The following MAST2 variants were observed in gnomAD, a reference collection of about 807,000 sequenced individuals.
MAST2 encodes the protein microtubule-associated serine/threonine-protein kinase 2.
Under a neutral mutation model 147.4 loss-of-function variants are expected in MAST2, and 70 were observed. The ratio of observed to expected loss-of-function variants is 0.47; its 90% CI spans 0.39 to 0.58. The LOEUF (loss-of-function observed/expected upper bound fraction) is 0.58. Among genes scored for constraint, MAST2 ranks in the 20% least tolerant of loss-of-function variants. MAST2 has a pLI of 0.00. For missense variants in MAST2, 2,080 were observed against 2,302.3 expected, an observed-to-expected ratio of 0.90 and a Z score of 1.98; for synonymous variants, 869 against 896.8, an observed-to-expected ratio of 0.97 and a Z score of 0.55.
rs184083905 is a variant in MAST2 at position 45,881,897 on chromosome 1, C to G, written c.469-467C>G. On this transcript the variant is annotated intron_variant, in intron 3 of 28. Coordinates refer to ENST00000361297, the MANE Select transcript of MAST2 (RefSeq NM_015112.3). The stretch of plus-strand genomic sequence containing the variant: ...ATTTCACAAAAATTTAAGAGACAGG[C>G]TGGGCATGGTGGCTCACACCTGTAA... 5.1e-4 allele frequency among the ~76,000 whole-genome samples: 76 copies of G among 150,468 alleles called. No individual in the cohort carries two copies. In the Middle Eastern group the frequency reaches 0.021, roughly 42 times the overall value.
At chr1:45,838,960 A>G (rs1232082984) in intron 3 of MAST2, among the ~76,000 whole-genome samples, 1 of 152,060 alleles carries the variant, frequency 6.6e-6, no homozygotes, top group Non-Finnish European at 1.5e-5. Flanking sequence ...TGTGTATTGG[A>G]AGACTCATAT....
chr1:45,905,447 A>G (rs1049413729), intron 4 of MAST2, among the ~76,000 whole-genome samples: 4 of 152,038 alleles, frequency 2.6e-5, no homozygotes, highest in African/African-American at 9.7e-5. Flanking sequence ...TTGGCCTCCC[A>G]AAGTGCTGGG....
chr1:46,034,156 G>A lies in MAST2; in HGVS notation c.3758G>A (p.Arg1253His), dbSNP rs751093370. The change falls in exon 28 of 29, where the codon CGC becomes CAC. Residue 1253 changes from arginine to histidine, a missense_variant. Arg to His is a conservative substitution (Grantham distance 29). This residue lies in a region of MAST2 where 1,278 missense variants were observed against 1,304.2 expected (regional missense o/e 0.98). Coordinates refer to ENST00000361297, the MANE Select transcript of MAST2 (RefSeq NM_015112.3). ...AGCCGCAGCCTTTCTTCCCTTAACCGCTCCTTGTCATCAGGGGAGAGTGGG... is the reference window on the plus strand; with the variant it reads ...AGCCGCAGCCTTTCTTCCCTTAACCACTCCTTGTCATCAGGGGAGAGTGGG... ...HTSRSLSSLN[R>H]SLSSGESGPG... 1.9e-5 allele frequency: 31 copies of A among 1,613,952 alleles called. No homozygotes were observed. Among genetic ancestry groups the A allele is most frequent in the Admixed American group, 1.2e-4 (7 of 59,988 alleles).
chr1:45,915,377 A>G (rs1467141759), intron 4 of MAST2, among the ~76,000 whole-genome samples: 3 of 152,204 alleles, frequency 2.0e-5, no homozygotes, highest in Non-Finnish European at 2.9e-5. Flanking sequence ...GACCCATTGT[A>G]TAACCAGTTT....
chr1:45,906,634 TTA>T lies in MAST2; in HGVS notation c.500+24243_500+24244del, dbSNP rs918582701. Among the ~76,000 whole-genome samples the T allele has an allele frequency of 2.4e-3, 351 of 148,376 alleles. 2 individuals are homozygous for T. Among genetic ancestry groups the T allele is most frequent in the African/African-American group, 8.2e-3 (336 of 40,922 alleles). ...TTATATAATTATATTATATGTTATTTTATATGATACAATTATATAATATATAA... is the reference window on the plus strand; with the variant it reads ...TTATATAATTATATTATATGTTATTTTATGATACAATTATATAATATATAA... On this transcript the variant is annotated intron_variant, in intron 4 of 28. Coordinates refer to ENST00000361297, the MANE Select transcript of MAST2 (RefSeq NM_015112.3).
intron 7 of MAST2, 143 bp downstream of exon 7, chr1:46,003,026 C>G (rs1645337502): frequency 6.1e-6 from 5 of 823,172 alleles, no homozygotes; most frequent in South Asian, 1.6e-5. Flanking sequence ...TTGGGTGCAA[C>G]AGAGGGCTGG....
At position 46,036,054 on chromosome 1, in the gene MAST2, A is replaced by T. The variant is rs771031710; in HGVS notation, c.5385A>T (p.Leu1795Phe). The change falls in exon 29 of 29, where the codon TTA becomes TTT. Residue 1795 changes from leucine (L) to phenylalanine (F), a missense_variant. Physicochemically the swap from Leu to Phe is conservative, Grantham distance 22. This residue lies in a region of MAST2 where 1,278 missense variants were observed against 1,304.2 expected (regional missense o/e 0.98). Coordinates refer to ENST00000361297, the MANE Select transcript of MAST2 (RefSeq NM_015112.3). ...RDLALVPDEL[L>F]KQT ...TGGCATTGGTTCCAGATGAGCTTTT[A>T]AAGCAAACATAGCAGTTGTTTGCCA... The T allele has an allele frequency of 1.0e-5, 16 of 1,607,044 alleles. No homozygotes were observed. Among genetic ancestry groups the T allele is most frequent in the Middle Eastern group, 1.7e-4 (1 of 6,014 alleles).
chr1:46,000,003 C>G (rs1359097239), intron 6 of MAST2, among the ~76,000 whole-genome samples: 1 of 152,040 alleles, frequency 6.6e-6, no homozygotes, highest in East Asian at 1.9e-4. Flanking sequence ...AGGGAAAGAG[C>G]ATGATGCTGC....
chr1:45,996,592 C>A (rs1196449918), intron 5 of MAST2, among the ~76,000 whole-genome samples: 3 of 151,978 alleles, frequency 2.0e-5, no homozygotes, highest in Admixed American at 2.0e-4. Context: ...ATTTTATGCA[C>A]CTGGGGGTGA....
At position 46,032,393 on chromosome 1, in the gene MAST2, C is replaced by T. The variant is rs747736010; in HGVS notation, c.3403C>T (p.His1135Tyr). 4 of 1,613,884 alleles carry T rather than the reference C, an allele frequency of 2.5e-6. No homozygotes were observed. The Admixed American group carries it at 6.7e-5, about 27-fold the overall frequency. ...MGDSDVYTVH[H>Y]MVWHVEDGGP... is the part of the protein sequence containing the mutation. ...TGACTCCGATGTCTACACCGTGCAC[C>T]ATATGGTGTGGGTATGTCTGACCAT... The change falls in exon 25 of 29, where the codon CAT (histidine) becomes TAT (tyrosine). Residue 1135 changes from histidine (H) to tyrosine (Y), a missense_variant. His to Tyr is a moderately conservative substitution (Grantham distance 83). This residue lies in a region of MAST2 where 1,278 missense variants were observed against 1,304.2 expected (regional missense o/e 0.98). Coordinates refer to ENST00000361297, the MANE Select transcript of MAST2 (RefSeq NM_015112.3).
chr1:45,843,877 G>GTC (rs1645349680), intron 3 of MAST2, among the ~76,000 whole-genome samples: 1 of 152,158 alleles, frequency 6.6e-6, no homozygotes, highest in Admixed American at 6.5e-5. Context: ...TATATTGGCA[G>GTC]TCTTAGCTTA....
At chr1:45,977,689 A>G (rs973477203) in intron 5 of MAST2, among the ~76,000 whole-genome samples, 12 of 151,512 alleles carry the variant, frequency 7.9e-5, no homozygotes, top group African/African-American at 2.9e-4. Flanking sequence ...AATCCCAGCT[A>G]CTCGGGAGGC....
Position 46,034,248 on chromosome 1 carries a change from C to T in MAST2, c.3850C>T (p.Pro1284Ser), listed in dbSNP as rs773965598. Residue 1284 changes from proline (P) to serine (S), a missense_variant, in exon 28 of 29, where the codon CCC (proline) becomes TCC (serine). Around this residue, in one of 4 missense-constraint regions of MAST2, gnomAD observed 1,278 missense variants for 1,304.2 expected, o/e 0.98. Transcript: ENST00000361297. ...RSPTQGYRVTPDAVHSVGGNS... is the reference protein window; with the variant it reads ...RSPTQGYRVTSDAVHSVGGNS... ...TCCCACTCAAGGCTACCGGGTGACCCCCGATGCTGTGCATTCAGGTACGAA... is the reference window on the plus strand; with the variant it reads ...TCCCACTCAAGGCTACCGGGTGACCTCCGATGCTGTGCATTCAGGTACGAA... The T allele has an allele frequency of 6.2e-7, 1 of 1,613,310 alleles. No individual in the cohort carries two copies.
At chr1:45,982,112 G>A (rs759429248) in intron 5 of MAST2, among the ~76,000 whole-genome samples, 11 of 152,134 alleles carry the variant, frequency 7.2e-5, no homozygotes, top group Non-Finnish European at 1.6e-4. Context: ...GCCTCCCAAA[G>A]TGCTGGGATT....
intron 3 of MAST2, among the ~76,000 whole-genome samples, chr1:45,847,908 A>G (rs1034744310): frequency 3.3e-5 from 5 of 152,320 alleles, no homozygotes; most frequent in African/African-American, 1.2e-4. Context: ...TACAGTGCTG[A>G]GCAAAGATTG....
At chr1:45,953,240 CTT>C (rs1659192736) in intron 4 of MAST2, among the ~76,000 whole-genome samples, 1 of 144,402 alleles carries the variant, frequency 6.9e-6, no homozygotes, top group Non-Finnish European at 1.5e-5. Flanking sequence ...AAAAAAAAAA[CTT>C]GATTAATTCA....
intron 4 of MAST2, among the ~76,000 whole-genome samples, chr1:45,885,194 G>A (rs1396608779): frequency 3.3e-5 from 5 of 152,120 alleles, no homozygotes; most frequent in East Asian, 3.8e-4. Flanking sequence ...GTCTTGGTCA[G>A]AAGGAGGGGG....
intron 3 of MAST2, among the ~76,000 whole-genome samples, chr1:45,865,466 TC>T (rs1320346846): frequency 1.3e-5 from 2 of 152,168 alleles, no homozygotes; most frequent in African/African-American, 4.8e-5. Flanking sequence ...CATATTCTGT[TC>T]CTGACCACCA....
chr1:45,904,174 AT>A lies in MAST2; in HGVS notation c.500+21794del, dbSNP rs34657132. Among the ~76,000 whole-genome samples, 269 of 141,280 alleles carry A rather than the reference AT, an allele frequency of 1.9e-3. 1 individual carries two copies. The Middle Eastern group carries it at 0.039, about 21-fold the overall frequency. 92.7% of individuals were successfully genotyped at this position (141,280 alleles called of 152,430 possible). ...TGCCACTGCACCCAGCTAATTTTTA[AT>A]TTTTTTTTTTTTTTGAGACGAAGGC... On this transcript the variant is annotated intron_variant, in intron 4 of 28. Coordinates refer to ENST00000361297, the MANE Select transcript of MAST2 (RefSeq NM_015112.3).
Sources: allele counts gnomAD v4.1 joint callset (sites outside exome capture counted in the v4.1 genomes callset), GRCh38; gene constraint gnomAD v4.1.1; regional missense constraint gnomAD v4.1.1; transcripts MANE v1.5; gene names NCBI Gene and HGNC (gene_info 2026-07-23, HGNC 2026-07-21).